The following DZANK1 variants were observed in gnomAD, a reference collection of about 807,000 sequenced individuals.
The protein encoded by DZANK1 is double zinc ribbon and ankyrin repeat domains 1, also known as double zinc ribbon and ankyrin repeat-containing protein 1.
DZANK1 carries 91 observed loss-of-function variants against 94.5 expected under a neutral mutation model. That is an observed-to-expected ratio of 0.96 (90% CI 0.81 to 1.15). The LOEUF is 1.15. DZANK1 is among the 50% of genes most tolerant of loss of function. The probability of loss-of-function intolerance (pLI) is 0.00; values close to 1 mark genes in which losing one functional copy is unlikely to be tolerated. For synonymous variants in DZANK1, 312 were observed against 325.3 expected (o/e 0.96, Z 0.44); for missense variants, 903 against 916.4 (o/e 0.99, Z 0.19).
At chr20:18,405,801 G>C (rs1056931509) in intron 13 of DZANK1, among the ~76,000 whole-genome samples, 1 of 152,248 alleles carries the variant, frequency 6.6e-6, no homozygotes. Context: ...GGGCAGGAGA[G>C]ACGGTCTTGA....
chr20:18,387,579 G>A (rs2048581711), intron 19 of DZANK1, among the ~76,000 whole-genome samples: 1 of 152,202 alleles, frequency 6.6e-6, no homozygotes, highest in Non-Finnish European at 1.5e-5. Flanking sequence ...ATGCAGTGAG[G>A]AAGGGCAGCT....
chr20:18,410,810 G>A (rs762924365), intron 13 of DZANK1, among the ~76,000 whole-genome samples: 1 of 152,138 alleles, frequency 6.6e-6, no homozygotes, highest in Non-Finnish European at 1.5e-5. Context: ...AATTATCCAG[G>A]TGTGGTGGCT....
At chr20:18,466,613 T>TA (rs1250044380) in intron 1 of DZANK1, among the ~76,000 whole-genome samples, 1 of 152,092 alleles carries the variant, frequency 6.6e-6, no homozygotes, top group Non-Finnish European at 1.5e-5. Context: ...AAATTCTAAA[T>TA]AAAAAATATG....
intron 6 of DZANK1, among the ~76,000 whole-genome samples, chr20:18,451,539 A>G (rs144553783): frequency 1.9e-3 from 292 of 152,232 alleles, no homozygotes; most frequent in Middle Eastern, 6.8e-3. Flanking sequence ...AGCTTCAAAT[A>G]CCATCAACAT....
At chr20:18,460,704 G>T (rs994082724) in intron 2 of DZANK1, among the ~76,000 whole-genome samples, 32 of 151,932 alleles carry the variant, frequency 2.1e-4, no homozygotes, top group Non-Finnish European at 4.3e-4. Flanking sequence ...ACTCCAGCCT[G>T]GGCAACAGAG....
At chr20:18,436,618 A>G (rs1284322167) in intron 8 of DZANK1, among the ~76,000 whole-genome samples, 1 of 152,176 alleles carries the variant, frequency 6.6e-6, no homozygotes, top group Non-Finnish European at 1.5e-5. Flanking sequence ...AATCAAGCAC[A>G]GCAACAAGTA....
At chr20:18,396,574 A>G (rs1281869621) in intron 14 of DZANK1, 28 bp from the exon 15 acceptor site, 2 of 1,581,772 alleles carry the variant, frequency 1.3e-6, no homozygotes, top group African/African-American at 1.3e-5. Flanking sequence ...GAGAGAATTC[A>G]TAACTGTGGG....
intron 8 of DZANK1, among the ~76,000 whole-genome samples, chr20:18,434,632 G>T (rs1336462709): frequency 2.0e-5 from 3 of 151,244 alleles, no homozygotes; most frequent in African/African-American, 7.3e-5. Flanking sequence ...GTCATTGAAA[G>T]GCAGATAACA....
intron 10 of DZANK1, among the ~76,000 whole-genome samples, chr20:18,417,248 A>C (rs1358409623): frequency 6.6e-6 from 1 of 152,228 alleles, no homozygotes; most frequent in Non-Finnish European, 1.5e-5. Context: ...TGTTCTGAAA[A>C]TAGTTTTGTT....
At chr20:18,398,760 A>G in intron 13 of DZANK1, 134 bp from the exon 14 acceptor site, 1 of 784,086 alleles carries the variant, frequency 1.3e-6, no homozygotes, top group Non-Finnish European at 2.1e-6. Flanking sequence ...TCCTTAGTGA[A>G]CCTCAACTAT....
intron 8 of DZANK1, among the ~76,000 whole-genome samples, chr20:18,434,545 CAAAAAA>C (rs55680576): frequency 4.2e-5 from 2 of 47,560 alleles, no homozygotes; most frequent in African/African-American, 8.3e-5. Flanking sequence ...GACTCCTGCT[CAAAAAA>C]AAAAAAAAAA....
At chr20:18,439,846 T>C (rs904216236) in intron 8 of DZANK1, among the ~76,000 whole-genome samples, 18 of 152,204 alleles carry the variant, frequency 1.2e-4, no homozygotes, top group African/African-American at 3.9e-4. Flanking sequence ...TAAGTCTCTG[T>C]ATTCCCTGCT....
At chr20:18,454,574 T>C (rs1024068996) in intron 4 of DZANK1, 1 of 157,162 alleles carries the variant, frequency 6.4e-6, no homozygotes, top group African/African-American at 2.4e-5. Context: ...TCACACATCC[T>C]TCTCAGATGG....
chr20:18,449,146 T>A, intron 6 of DZANK1, 77 bp from the exon 7 acceptor site: 1 of 1,237,310 alleles, frequency 8.1e-7, no homozygotes, highest in South Asian at 1.2e-5. Flanking sequence ...TATAGTAAAA[T>A]TCCATTAAAA....
chr20:18,401,242 G>A (rs1026391346), intron 13 of DZANK1, among the ~76,000 whole-genome samples: 1 of 152,090 alleles, frequency 6.6e-6, no homozygotes, highest in African/African-American at 2.4e-5. Context: ...TGGCCTAGAT[G>A]TATATTTCTA....
exon 3 of DZANK1, chr20:18,460,303 G>A (rs1239255129): frequency 7.2e-6 from 11 of 1,522,122 alleles, no homozygotes; most frequent in Middle Eastern, 1.7e-4. Context: ...GACATCTGGA[G>A]TGTCTGAAAA....
At chr20:18,435,146 G>T (rs1388344837) in intron 8 of DZANK1, among the ~76,000 whole-genome samples, 1 of 152,214 alleles carries the variant, frequency 6.6e-6, no homozygotes, top group Non-Finnish European at 1.5e-5. Flanking sequence ...AAACAGCCTT[G>T]AGTTTCAATG....
At chr20:18,397,442 T>G (rs559089598) in intron 14 of DZANK1, among the ~76,000 whole-genome samples, 1 of 152,242 alleles carries the variant, frequency 6.6e-6, no homozygotes, top group Non-Finnish European at 1.5e-5. Flanking sequence ...TCTGACAGGG[T>G]CCGACAGATC....
At chr20:18,451,910 C>T in intron 6 of DZANK1, 1 of 518,904 alleles carries the variant, frequency 1.9e-6, no homozygotes, top group South Asian at 1.4e-5. Flanking sequence ...GGTCTAATCT[C>T]CATACTGTGG....
Sources: allele counts gnomAD v4.1 joint callset (sites outside exome capture counted in the v4.1 genomes callset), GRCh38; gene constraint gnomAD v4.1.1; transcripts MANE v1.5; gene names NCBI Gene and HGNC (gene_info 2026-07-23, HGNC 2026-07-21).